The following TEX11 variants were observed in gnomAD, a reference collection of about 807,000 sequenced individuals.
TEX11 encodes the protein testis-expressed protein 11.
Under a neutral mutation model 84.4 loss-of-function variants are expected in TEX11, and 7 were observed. That is an observed-to-expected ratio of 0.08 (90% CI 0.05 to 0.16). The LOEUF (loss-of-function observed/expected upper bound fraction) is 0.16, where lower values mean the gene tolerates loss of function less well. TEX11 is among the 10% of genes least tolerant of loss of function. TEX11 has a pLI of 1.00. For missense variants in TEX11, 551 were observed against 660.5 expected (o/e 0.83, Z 1.82); for synonymous variants, 264 against 222.8 (o/e 1.18, Z -1.64).
At chrX:70,620,468 C>G (rs936984973) in intron 20 of TEX11, among the ~76,000 whole-genome samples, 1 of 111,838 alleles carries the variant, frequency 8.9e-6, no homozygotes. Flanking sequence ...CTGGTGAGGG[C>G]ACACAGCAAC....
At chrX:70,561,686 C>T (rs901106269) in intron 25 of TEX11, among the ~76,000 whole-genome samples, 1 of 110,565 alleles carries the variant, frequency 9.0e-6, no homozygotes, top group Admixed American at 9.7e-5. Context: ...GTGCCCAGCC[C>T]AAATTTACTT....
intron 2 of TEX11, among the ~76,000 whole-genome samples, chrX:70,883,865 T>C (rs1305605701): frequency 9.0e-6 from 1 of 111,639 alleles, no homozygotes; most frequent in Non-Finnish European, 1.9e-5. Context: ...ACATTTTCCC[T>C]GTCCTTGAGG....
chrX:70,906,137 C>A (rs2091832818), intron 2 of TEX11, among the ~76,000 whole-genome samples: 2 of 44,681 alleles, frequency 4.5e-5, no homozygotes, highest in African/African-American at 7.4e-5. Flanking sequence ...ATATATATCA[C>A]AATGCTGAGC....
the TEX11 span, among the ~76,000 whole-genome samples, chrX:70,511,633 G>T: frequency 3.8e-5 from 4 of 104,256 alleles, no homozygotes; most frequent in African/African-American, 1.4e-4. Flanking sequence ...AATGCCTGTA[G>T]TCCCAGCTAC....
At chrX:70,715,929 C>T (rs1457436819) in intron 13 of TEX11, among the ~76,000 whole-genome samples, 3 of 112,208 alleles carry the variant, frequency 2.7e-5, no homozygotes, top group African/African-American at 9.7e-5. Flanking sequence ...GTTTTATCTA[C>T]CTTTGGTCTT....
the TEX11 span, among the ~76,000 whole-genome samples, chrX:70,512,548 CT>C: frequency 4.6e-5 from 5 of 108,215 alleles, no homozygotes; most frequent in South Asian, 2.0e-3. Flanking sequence ...TTATTCCCTC[CT>C]TTGGAATCTC....
At position 70,806,785 on chromosome X, in the gene TEX11, T is replaced by G. The variant is rs376168600; in HGVS notation, c.612A>C (p.Ser204=). ...DMLMRLPQMT[S]SLHHLCYNFG... ...AGTTGTAACAGAGATGATGAAGACTTGAAGTCTGCAATATAAAAAAAATGC... is the reference window on the plus strand; with the variant it reads ...AGTTGTAACAGAGATGATGAAGACTGGAAGTCTGCAATATAAAAAAAATGC... Residue 204 remains serine (S), a synonymous_variant, in exon 9 of 30, where the codon TCA becomes TCC. Coordinates refer to ENST00000374333, the MANE Select transcript of TEX11 (RefSeq NM_031276.3). 2.2e-5 allele frequency: 26 copies of G among 1,160,520 alleles called. No homozygotes were observed. Among genetic ancestry groups the G allele is most frequent in the Non-Finnish European group, 2.8e-5 (24 of 859,974 alleles).
chrX:70,651,575 A>G, intron 16 of TEX11, 23 bp from the exon 17 acceptor site: 2 of 1,122,842 alleles, frequency 1.8e-6, no homozygotes, highest in South Asian at 1.9e-5. Context: ...ACACTGGGTC[A>G]TTTTAATAAA....
At chrX:70,778,034 A>C (rs1346473051) in intron 9 of TEX11, among the ~76,000 whole-genome samples, 2 of 112,189 alleles carry the variant, frequency 1.8e-5, no homozygotes, top group African/African-American at 3.2e-5. Flanking sequence ...ATAGGCTGAA[A>C]GTGAAGGGAT....
At chrX:70,847,994 A>G (rs1013028070) in intron 7 of TEX11, among the ~76,000 whole-genome samples, 1 of 111,670 alleles carries the variant, frequency 9.0e-6, no homozygotes, top group Non-Finnish European at 1.9e-5. Context: ...TGCTTCCTTT[A>G]TATGTCTCCT....
At chrX:70,533,619 G>C (rs2087917138) in intron 28 of TEX11, among the ~76,000 whole-genome samples, 1 of 111,427 alleles carries the variant, frequency 9.0e-6, no homozygotes, top group Non-Finnish European at 1.9e-5. Context: ...TGCCTAGACG[G>C]TGGTAATTTG....
intron 18 of TEX11, among the ~76,000 whole-genome samples, chrX:70,628,709 T>C (rs1199337258): frequency 8.9e-6 from 1 of 111,736 alleles, no homozygotes; most frequent in Non-Finnish European, 1.9e-5. Context: ...TTGATGTTAG[T>C]GAGAAGGGTA....
At chrX:70,602,184 T>C (rs1253351754) in intron 24 of TEX11, among the ~76,000 whole-genome samples, 1 of 111,675 alleles carries the variant, frequency 9.0e-6, no homozygotes, top group East Asian at 2.8e-4. Context: ...CCCACCTCCC[T>C]CCCGGATGGG....
At chrX:70,744,121 C>T (rs1326133025) in intron 10 of TEX11, 44 bp downstream of exon 10, 12 of 825,974 alleles carry the variant, frequency 1.5e-5, no homozygotes, top group Non-Finnish European at 1.6e-5. Flanking sequence ...TAAAATAAAG[C>T]AGGTTATTCA....
intron 25 of TEX11, among the ~76,000 whole-genome samples, chrX:70,579,368 G>T (rs1247797610): frequency 9.4e-6 from 1 of 106,707 alleles, no homozygotes; most frequent in African/African-American, 3.4e-5. Flanking sequence ...GGTGGCGGGC[G>T]CCTGTAGTCC....
chrX:70,731,921 T>C (rs1424652961), intron 11 of TEX11, among the ~76,000 whole-genome samples: 2 of 111,526 alleles, frequency 1.8e-5, no homozygotes, highest in Non-Finnish European at 3.8e-5. Context: ...ACTGGCAAAT[T>C]GAATTCAGCA....
chrX:70,834,524 G>T (rs1392239303), intron 7 of TEX11, among the ~76,000 whole-genome samples: 4 of 111,645 alleles, frequency 3.6e-5, no homozygotes, highest in African/African-American at 6.5e-5. Flanking sequence ...GGGAGGCCAA[G>T]GTGGGTGGAT....
At chrX:70,621,737 A>G (rs1183664114) in intron 20 of TEX11, among the ~76,000 whole-genome samples, 1 of 105,457 alleles carries the variant, frequency 9.5e-6, no homozygotes, top group Non-Finnish European at 1.9e-5. Flanking sequence ...GAGGTTTAAC[A>G]TATAAAGACT....
At chrX:70,899,845 TAAAAA>T (rs746225121) in intron 2 of TEX11, among the ~76,000 whole-genome samples, 3 of 30,599 alleles carry the variant, frequency 9.8e-5, no homozygotes, top group African/African-American at 1.2e-4. Context: ...GGTCCTGTAT[TAAAAA>T]AAAAAAAAAA....
Sources: allele counts gnomAD v4.1 joint callset (sites outside exome capture counted in the v4.1 genomes callset), GRCh38; gene constraint gnomAD v4.1.1; transcripts MANE v1.5; gene names NCBI Gene and HGNC (gene_info 2026-07-23, HGNC 2026-07-21).